The following TLK2 variants were observed in gnomAD, a reference collection of about 807,000 sequenced individuals.
TLK2 encodes the protein serine/threonine-protein kinase tousled-like 2.
In TLK2, 6 loss-of-function variants were observed where a neutral mutation model predicts 117.3. The observed-to-expected ratio is 0.05, with a 90% confidence interval of 0.03 to 0.10. TLK2 has a LOEUF of 0.10. Ranked by LOEUF, TLK2 falls within the 10% of genes least tolerant of loss-of-function variation. TLK2 has a pLI of 1.00. For missense variants in TLK2, 299 were observed against 901.2 expected (o/e 0.33, Z 8.56); for synonymous variants, 257 against 316.7 (o/e 0.81, Z 2.00).
intron 11 of TLK2, 78 bp from the exon 12 acceptor site, chr17:62,573,137 T>G: frequency 6.8e-7 from 1 of 1,462,600 alleles, no homozygotes; most frequent in Non-Finnish European, 9.1e-7. Context: ...GATACACAAG[T>G]GACAAATTGT....
intron 11 of TLK2, among the ~76,000 whole-genome samples, chr17:62,568,236 AG>A (rs1171287794): frequency 6.6e-6 from 1 of 152,058 alleles, no homozygotes; most frequent in Non-Finnish European, 1.5e-5. Flanking sequence ...GTTTGAGACC[AG>A]CCTGGCCAAA....
At chr17:62,497,467 T>C (rs2073812378) in intron 2 of TLK2, among the ~76,000 whole-genome samples, 1 of 152,338 alleles carries the variant, frequency 6.6e-6, no homozygotes, top group African/African-American at 2.4e-5. Context: ...GGACTAAATC[T>C]AATTCCCAAC....
At chr17:62,582,421 T>C (rs2081287485) in intron 15 of TLK2, among the ~76,000 whole-genome samples, 1 of 152,166 alleles carries the variant, frequency 6.6e-6, no homozygotes, top group African/African-American at 2.4e-5. Flanking sequence ...TCTCTGTTCT[T>C]GTAAAATTTT....
Position 62,555,689 on chromosome 17 carries a change from G to A in TLK2, c.720+1934G>A, listed in dbSNP as rs2078808104. Among the ~76,000 whole-genome samples the A allele has an allele frequency of 2.0e-5, 3 of 152,120 alleles. No individual in the cohort carries two copies. The South Asian group carries it at 6.2e-4, about 32-fold the overall frequency. On this transcript the variant is annotated intron_variant, in intron 9 of 21. Coordinates refer to ENST00000346027, the MANE Select transcript of TLK2 (RefSeq NM_006852.6). ...AGACGGGGTTTCACCATGTTGGTCA[G>A]GCTGGTCTCGAACCCCTGACCTTGT...
intron 15 of TLK2, among the ~76,000 whole-genome samples, chr17:62,584,062 G>T (rs1234178959): frequency 1.3e-5 from 2 of 149,240 alleles, no homozygotes; most frequent in African/African-American, 2.5e-5. Flanking sequence ...AATAGCATTG[G>T]TGCTCTTATA....
intron 2 of TLK2, among the ~76,000 whole-genome samples, chr17:62,490,678 A>G (rs1332839140): frequency 6.6e-6 from 1 of 152,012 alleles, no homozygotes; most frequent in Non-Finnish European, 1.5e-5. Flanking sequence ...AGTAGCTGGG[A>G]CTATAGGCAC....
intron 1 of TLK2, among the ~76,000 whole-genome samples, chr17:62,479,956 C>T (rs1219229404): frequency 2.0e-5 from 3 of 152,154 alleles, no homozygotes; most frequent in South Asian, 2.1e-4. Flanking sequence ...CTTTTTTTTC[C>T]TTCTTTTTCT....
At chr17:62,577,375 C>A (rs983361754) in intron 13 of TLK2, among the ~76,000 whole-genome samples, 3 of 152,086 alleles carry the variant, frequency 2.0e-5, no homozygotes, top group Non-Finnish European at 2.9e-5. Flanking sequence ...AAGTGGTTAT[C>A]CTTGGAGTAA....
chr17:62,586,550 G>C (rs1390102184), intron 16 of TLK2, among the ~76,000 whole-genome samples: 1 of 152,088 alleles, frequency 6.6e-6, no homozygotes, highest in Non-Finnish European at 1.5e-5. Flanking sequence ...GGCCGGGCAC[G>C]GTGGCTCACA....
At chr17:62,553,218 T>G (rs2078607682) in intron 8 of TLK2, among the ~76,000 whole-genome samples, 1 of 152,160 alleles carries the variant, frequency 6.6e-6, no homozygotes. Context: ...CACCAGCTCT[T>G]GTACAGTTCA....
intron 6 of TLK2, among the ~76,000 whole-genome samples, chr17:62,532,896 G>A (rs899906425): frequency 4.6e-5 from 7 of 152,026 alleles, no homozygotes; most frequent in Non-Finnish European, 7.4e-5. Flanking sequence ...CACATAAATT[G>A]CTAGAAGGTT....
chr17:62,599,089 G>T (rs913874509), intron 17 of TLK2, among the ~76,000 whole-genome samples: 8 of 151,956 alleles, frequency 5.3e-5, no homozygotes, highest in African/African-American at 1.9e-4. Flanking sequence ...GGGATTACAG[G>T]CATGCGCCAC....
At chr17:62,569,302 C>CAA (rs776975804) in intron 11 of TLK2, among the ~76,000 whole-genome samples, 2 of 95,186 alleles carry the variant, frequency 2.1e-5, no homozygotes, top group African/African-American at 4.0e-5. Flanking sequence ...ACTTCGTCTC[C>CAA]AAAAAAAAAA....
chr17:62,580,763 A>G (rs1054536050), intron 15 of TLK2, among the ~76,000 whole-genome samples: 1 of 152,224 alleles, frequency 6.6e-6, no homozygotes, highest in Admixed American at 6.5e-5. Context: ...CTACAGATCC[A>G]TAACATGTGG....
chr17:62,574,391 G>A (rs2080585945), intron 12 of TLK2: 4 of 1,468,416 alleles, frequency 2.7e-6, no homozygotes. Flanking sequence ...CCCAGCCTTA[G>A]GAGCCCACAG....
intron 19 of TLK2, among the ~76,000 whole-genome samples, chr17:62,605,278 G>A (rs2083199097): frequency 6.6e-6 from 1 of 152,232 alleles, no homozygotes; most frequent in Admixed American, 6.5e-5. Flanking sequence ...AGTGAGCCGA[G>A]ATCGTGAGTG....
chr17:62,478,931 AGCCGAGCGGGCCCCCACCTCCTGGCCCG>A lies in TLK2; in HGVS notation c.-361_-334del, dbSNP rs2071254377. 1 of 146,148 alleles carries A rather than the reference AGCCGAGCGGGCCCCCACCTCCTGGCCCG, an allele frequency of 6.8e-6. No homozygotes were observed. Among genetic ancestry groups the A allele is most frequent in the Non-Finnish European group, 1.5e-5 (1 of 65,684 alleles). The allele number at this position is 146,148 out of a possible 1,614,324, so 9.1% of individuals were successfully genotyped here. On this transcript the variant is annotated 5_prime_UTR_variant, in exon 1 of 22. Transcript: ENST00000346027. Reference sequence around the variant, plus strand: ...TCCGCGCCGCACCCGAGTGGCCCCCAGCCGAGCGGGCCCCCACCTCCTGGCCCGGCCTGGGCCCTCCTGCGCCTCCCTT... The same window carrying A: ...TCCGCGCCGCACCCGAGTGGCCCCCAGCCTGGGCCCTCCTGCGCCTCCCTT...
At chr17:62,588,202 G>T (rs1045165768) in intron 16 of TLK2, among the ~76,000 whole-genome samples, 2 of 151,902 alleles carry the variant, frequency 1.3e-5, no homozygotes, top group Non-Finnish European at 1.5e-5. Context: ...GTGCTGAGAC[G>T]TATATGTATT....
chr17:62,607,681 G>A (rs1010274860), intron 20 of TLK2, among the ~76,000 whole-genome samples: 1 of 152,156 alleles, frequency 6.6e-6, no homozygotes, highest in Non-Finnish European at 1.5e-5. Flanking sequence ...AGGCACAGGT[G>A]TGTATTTCTT....
Sources: gnomAD v4.1 joint callset for allele counts (sites outside exome capture counted in the v4.1 genomes callset) on GRCh38, gnomAD v4.1.1 for gene constraint, MANE v1.5 for transcripts, NCBI Gene and HGNC (gene_info 2026-07-23, HGNC 2026-07-21) for gene names.